Variants in QTMAN observed in about 807,000 individuals in gnomAD.
QTMAN encodes the protein tRNA-queuosine alpha-mannosyltransferase.
chr2:143,965,012 C>T, the QTMAN span, among the ~76,000 whole-genome samples: 1 of 151,718 alleles, frequency 6.6e-6, no homozygotes, highest in Admixed American at 6.6e-5. Flanking sequence ...TTATTAAGTA[C>T]ACAAACACAT....
the QTMAN span, among the ~76,000 whole-genome samples, chr2:144,326,960 C>G: frequency 6.6e-6 from 1 of 152,118 alleles, no homozygotes; most frequent in African/African-American, 2.4e-5. Flanking sequence ...GTTCCTGGCT[C>G]ATAACTACCA....
At chr2:144,199,422 C>T in the QTMAN span, among the ~76,000 whole-genome samples, 5 of 152,144 alleles carry the variant, frequency 3.3e-5, no homozygotes. Flanking sequence ...ACAGTAATAT[C>T]ATGAGTATAT....
At chr2:144,136,301 G>A in the QTMAN span, among the ~76,000 whole-genome samples, 21 of 151,472 alleles carry the variant, frequency 1.4e-4, no homozygotes, top group East Asian at 1.6e-3. Flanking sequence ...ACTCCAGCCT[G>A]GGCGACAGAG....
the QTMAN span, among the ~76,000 whole-genome samples, chr2:144,177,739 T>A: frequency 6.6e-6 from 1 of 152,206 alleles, no homozygotes; most frequent in Non-Finnish European, 1.5e-5. Flanking sequence ...CATAGCTTGC[T>A]ATCCAATGCA....
the QTMAN span, among the ~76,000 whole-genome samples, chr2:144,264,532 C>G: frequency 6.6e-6 from 1 of 152,068 alleles, no homozygotes; most frequent in African/African-American, 2.4e-5. Flanking sequence ...ACGAAAATTC[C>G]CCTGCTTCCT....
At chr2:143,993,250 T>C in the QTMAN span, among the ~76,000 whole-genome samples, 4 of 152,202 alleles carry the variant, frequency 2.6e-5, no homozygotes, top group Admixed American at 2.6e-4. Context: ...CTGATGGTAG[T>C]ATATACTCAA....
chr2:144,319,999 A>G, the QTMAN span: 1 of 152,258 alleles, frequency 6.6e-6, no homozygotes, highest in Non-Finnish European at 1.5e-5. Context: ...TTGCCTGGGC[A>G]CTAAAATCCG....
chr2:144,265,167 C>T, the QTMAN span, among the ~76,000 whole-genome samples: 8 of 152,266 alleles, frequency 5.3e-5, no homozygotes, highest in East Asian at 1.5e-3. Flanking sequence ...AAGCCCACTC[C>T]TAAGACAGAC....
chr2:144,181,443 A>G, the QTMAN span, among the ~76,000 whole-genome samples: 4 of 152,354 alleles, frequency 2.6e-5, no homozygotes, highest in East Asian at 5.8e-4. Context: ...TCATTATTCA[A>G]ATGTATTTAC....
chr2:144,331,597 G>A, the QTMAN span, among the ~76,000 whole-genome samples: 17 of 152,100 alleles, frequency 1.1e-4, no homozygotes, highest in Admixed American at 1.3e-4. Context: ...AGAATCTCAA[G>A]ATAACCTAAA....
At chr2:143,948,481 C>T in the QTMAN span, among the ~76,000 whole-genome samples, 14,620 of 152,034 alleles carry the variant, frequency 0.096, 1,038 homozygotes, top group African/African-American at 0.19. Flanking sequence ...ATAAATAAAA[C>T]TAAATGAAAA....
At chr2:144,003,092 A>T in the QTMAN span, among the ~76,000 whole-genome samples, 1 of 151,900 alleles carries the variant, frequency 6.6e-6, no homozygotes, top group Non-Finnish European at 1.5e-5. Flanking sequence ...GTTCTTTGTT[A>T]TTTTAAAGGC....
the QTMAN span, chr2:143,945,684 G>A: frequency 6.6e-6 from 1 of 152,214 alleles, no homozygotes; most frequent in African/African-American, 2.4e-5. Flanking sequence ...CTTGCCCCTT[G>A]TCTAGCCACC....
chr2:144,260,697 A>G, the QTMAN span, among the ~76,000 whole-genome samples: 1 of 152,024 alleles, frequency 6.6e-6, no homozygotes, highest in Non-Finnish European at 1.5e-5. Context: ...AATAAGAGAA[A>G]GCTTATACTA....
the QTMAN span, among the ~76,000 whole-genome samples, chr2:143,958,082 C>G: frequency 6.6e-6 from 1 of 152,048 alleles, no homozygotes; most frequent in Non-Finnish European, 1.5e-5. Context: ...AGGTGAAATT[C>G]CTACCCAAGG....
the QTMAN span, chr2:144,006,465 C>T: frequency 3.3e-5 from 5 of 152,040 alleles, no homozygotes; most frequent in African/African-American, 1.2e-4. Flanking sequence ...TCTAATCAGG[C>T]CACATGCAGA....
the QTMAN span, among the ~76,000 whole-genome samples, chr2:144,269,777 A>G: frequency 1.4e-4 from 22 of 152,040 alleles, no homozygotes; most frequent in Non-Finnish European, 2.4e-4. Flanking sequence ...AGTCCAGTCC[A>G]CATGGAAAAA....
chr2:144,241,040 A>T, the QTMAN span, among the ~76,000 whole-genome samples: 1 of 152,204 alleles, frequency 6.6e-6, no homozygotes, highest in Admixed American at 6.5e-5. Context: ...TAATTTATAG[A>T]CACTACTCAG....
the QTMAN span, among the ~76,000 whole-genome samples, chr2:143,995,745 G>A: frequency 2.0e-5 from 3 of 152,112 alleles, no homozygotes; most frequent in Non-Finnish European, 4.4e-5. Flanking sequence ...TTTTAAACCT[G>A]TTTTAAAGGA....
Sources: allele counts gnomAD v4.1 joint callset (sites outside exome capture counted in the v4.1 genomes callset), GRCh38; gene constraint gnomAD v4.1.1; transcripts MANE v1.5; gene names NCBI Gene and HGNC (gene_info 2026-07-23, HGNC 2026-07-21).